Variants in UBR2 observed in about 807,000 individuals in gnomAD.
The protein encoded by UBR2 is ubiquitin protein ligase E3 component n-recognin 2.
UBR2 carries 92 observed loss-of-function variants against 247.9 expected under a neutral mutation model. The observed-to-expected ratio is 0.37, with a 90% CI of 0.31 to 0.44. The LOEUF (loss-of-function observed/expected upper bound fraction) is 0.44. UBR2 is among the 20% of genes least tolerant of loss of function. The pLI is 1.00. For missense variants in UBR2, 1,613 were observed against 2,112.6 expected (o/e 0.76, Z 4.64); for synonymous variants, 672 against 693.5 (o/e 0.97, Z 0.49).
Position 42,658,675 on chromosome 6 carries a change from G to A in UBR2, c.3093G>A (p.Arg1031=), listed in dbSNP as rs1042843245. ...CAAGGGACAAAGACAAAGCTGAGAG[G>A]AAGAGAAAAGCAGAGATTGCCAGAC... ...ESSRDKDKAE[R]KRKAEIARLR... Residue 1031 remains arginine (R), a synonymous_variant, in exon 29 of 47, where the codon AGG becomes AGA. Coordinates refer to ENST00000372901, the MANE Select transcript of UBR2 (RefSeq NM_001363705.2). 2 of 1,612,096 alleles carry A rather than the reference G, an allele frequency of 1.2e-6. No individual in the cohort carries two copies. Among genetic ancestry groups the A allele is most frequent in the Non-Finnish European group, 1.7e-6 (2 of 1,179,432 alleles).
chr6:42,689,681 A>C lies in UBR2; in HGVS notation c.5126+11A>C, dbSNP rs751419337. On this transcript the variant is annotated intron_variant, in intron 46 of 46. Coordinates refer to ENST00000372901, the MANE Select transcript of UBR2 (RefSeq NM_001363705.2). The surrounding 1 kb of genome is among the most constrained non-coding windows in gnomAD (Gnocchi z 4.0). ...CGACCAGGGACTCAGGTAAGAACCC[A>C]TCCTGAGTTAGCTAACTCAGGGCCT... 1 of 1,610,590 alleles carries C rather than the reference A, an allele frequency of 6.2e-7. No individual in the cohort carries two copies. The highest frequency in any genetic ancestry group is 1.7e-4 in the Middle Eastern group (1 of 6,054).
chr6:42,670,580 T>G, intron 35 of UBR2, 80 bp from the exon 36 acceptor site: 1 of 1,026,232 alleles, frequency 9.7e-7, no homozygotes, highest in Non-Finnish European at 1.4e-6. Context: ...AGGATTGGGG[T>G]TTTTTTAACC....
intron 18 of UBR2, 116 bp from the exon 19 acceptor site, chr6:42,644,098 G>A (rs1308305111): frequency 1.9e-5 from 20 of 1,030,912 alleles, no homozygotes; most frequent in Non-Finnish European, 2.2e-5. Flanking sequence ...AACCTTTTAG[G>A]ATTGGTAAAC....
intron 25 of UBR2, among the ~76,000 whole-genome samples, chr6:42,654,289 A>G (rs1225580292): frequency 6.6e-6 from 1 of 152,190 alleles, no homozygotes; most frequent in African/African-American, 2.4e-5. Context: ...TGTGGGAAAT[A>G]ATGGAGAGAA....
chr6:42,667,400 C>A (rs1202117874), intron 34 of UBR2, among the ~76,000 whole-genome samples: 1 of 151,060 alleles, frequency 6.6e-6, no homozygotes, highest in Non-Finnish European at 1.5e-5. Context: ...CCAGTCCTGT[C>A]ATTTTATTTG....
At position 42,662,150 on chromosome 6, in the gene UBR2, CTTTTG is replaced by C. The variant is rs528521899; in HGVS notation, c.3443-12_3443-8del. The C allele has an allele frequency of 1.7e-3, 2,350 of 1,352,186 alleles. 16 individuals carry two copies. The highest frequency in any genetic ancestry group is 9.2e-3 in the Middle Eastern group (51 of 5,518). The allele number at this position is 1,352,186 out of a possible 1,614,324, so 83.8% of individuals were successfully genotyped here. ...TGTTATAGGAAAATTAAATGCTTCACTTTTGTTTTGTTTTGTTTTGTTTTGTAATG... is the reference window on the plus strand; with the variant it reads ...TGTTATAGGAAAATTAAATGCTTCACTTTTGTTTTGTTTTGTTTTGTAATG... On this transcript the variant is annotated intron_variant, in intron 30 of 46. Coordinates refer to ENST00000372901, the MANE Select transcript of UBR2 (RefSeq NM_001363705.2).
At chr6:42,612,934 C>T (rs1419705975) in intron 8 of UBR2, among the ~76,000 whole-genome samples, 1 of 152,108 alleles carries the variant, frequency 6.6e-6, no homozygotes, top group African/African-American at 2.4e-5. Flanking sequence ...AACCTCATCT[C>T]TACTAAAAAT....
intron 1 of UBR2, among the ~76,000 whole-genome samples, chr6:42,573,263 T>C (rs1208108220): frequency 1.3e-5 from 2 of 152,204 alleles, no homozygotes; most frequent in African/African-American, 4.8e-5. Flanking sequence ...TGCTTATCAA[T>C]CATTAAGAAA....
At chr6:42,602,655 A>G (rs2151926757) in intron 4 of UBR2, among the ~76,000 whole-genome samples, 1 of 148,838 alleles carries the variant, frequency 6.7e-6, no homozygotes, top group South Asian at 2.1e-4. Flanking sequence ...ATATATACAA[A>G]TATATTTTAT....
Position 42,645,472 on chromosome 6 carries a change from G to C in UBR2, c.2291G>C (p.Arg764Thr), listed in dbSNP as rs761590207. 1 of 1,613,048 alleles carries C rather than the reference G, an allele frequency of 6.2e-7. No individual in the cohort carries two copies. Among genetic ancestry groups the C allele is most frequent in the Non-Finnish European group, 8.5e-7 (1 of 1,179,614 alleles). ...LYLIIMLVGE[R>T]FSPGVGQVNA... ...ACTTTTCCATTTTTGACAGGAGAGA[G>C]ATTTAGTCCTGGAGTTGGACAGGTA... The change falls in exon 21 of 47, where the codon AGA becomes ACA. Residue 764 changes from arginine (R) to threonine (T), a missense_variant. Around this residue, in one of 3 missense-constraint regions of UBR2, gnomAD observed 1,524 missense variants for 1,967.3 expected, o/e 0.77. Coordinates refer to ENST00000372901, the MANE Select transcript of UBR2 (RefSeq NM_001363705.2).
chr6:42,640,184 G>A (rs1562344612), intron 15 of UBR2, 25 bp from the exon 16 acceptor site: 1 of 1,586,644 alleles, frequency 6.3e-7, no homozygotes, highest in Non-Finnish European at 8.6e-7. Context: ...TAGAAATACT[G>A]TTTTTTGTTT....
chr6:42,571,824 A>G (rs1367505679), intron 1 of UBR2, among the ~76,000 whole-genome samples: 1 of 151,602 alleles, frequency 6.6e-6, no homozygotes, highest in Non-Finnish European at 1.5e-5. Flanking sequence ...AAAATGAGAC[A>G]TTTACCTTTG....
chr6:42,685,704 C>T (rs1303808313), intron 44 of UBR2, among the ~76,000 whole-genome samples: 2 of 151,758 alleles, frequency 1.3e-5, no homozygotes, highest in African/African-American at 2.4e-5. Flanking sequence ...CCACTACACC[C>T]GGCAGTAATT....
At chr6:42,644,440 T>A (rs1405196336) in intron 19 of UBR2, 33 bp from the exon 20 acceptor site, 1 of 1,605,914 alleles carries the variant, frequency 6.2e-7, no homozygotes, top group Admixed American at 1.7e-5. Context: ...CATATTCTTA[T>A]CTCTGAACTT....
Position 42,663,784 on chromosome 6 carries a change from G to A in UBR2, c.3698+365G>A, listed in dbSNP as rs549294211. On this transcript the variant is annotated intron_variant, in intron 32 of 46. Coordinates refer to ENST00000372901, the MANE Select transcript of UBR2 (RefSeq NM_001363705.2). ...GACTTTATAGGACAGTCTAAAAATC[G>A]AATAAAACTTTTTGCTGTACTGGCC... Among the ~76,000 whole-genome samples, 5 of 152,194 alleles carry A rather than the reference G, an allele frequency of 3.3e-5. No homozygotes were observed. In the East Asian group the frequency reaches 5.8e-4, roughly 18 times the overall value.
intron 4 of UBR2, among the ~76,000 whole-genome samples, chr6:42,602,425 A>G (rs1000508687): frequency 4.7e-5 from 7 of 149,890 alleles, no homozygotes; most frequent in Admixed American, 1.3e-4. Flanking sequence ...GATGGTTTCA[A>G]TCTCCTGACC....
At chr6:42,584,762 TATG>T (rs1364738547) in intron 2 of UBR2, among the ~76,000 whole-genome samples, 1 of 152,196 alleles carries the variant, frequency 6.6e-6, no homozygotes, top group East Asian at 1.9e-4. Context: ...CTAAATAATT[TATG>T]ATATTTTTTC....
intron 15 of UBR2, among the ~76,000 whole-genome samples, chr6:42,639,887 G>C (rs1057440436): frequency 2.6e-5 from 4 of 152,130 alleles, no homozygotes; most frequent in African/African-American, 9.7e-5. Context: ...TATTAGCCGG[G>C]TGTGGTGGCG....
chr6:42,644,065 T>C, intron 18 of UBR2, 149 bp from the exon 19 acceptor site: 1 of 768,938 alleles, frequency 1.3e-6, no homozygotes, highest in Admixed American at 2.9e-5. Context: ...TAAATGGGTT[T>C]TCATCTTTTA....
Sources: allele counts gnomAD v4.1 joint callset (sites outside exome capture counted in the v4.1 genomes callset), GRCh38; gene constraint gnomAD v4.1.1; regional missense constraint gnomAD v4.1.1; non-coding constraint Gnocchi (gnomAD v3.1); transcripts MANE v1.5; gene names NCBI Gene and HGNC (gene_info 2026-07-23, HGNC 2026-07-21).